The following NBEA variants were observed in gnomAD, a reference collection of about 807,000 sequenced individuals.
NBEA encodes neurobeachin.
A neutral mutation model predicts 343.4 loss-of-function variants in NBEA; 44 were observed. The observed-to-expected ratio is 0.13, with a 90% CI of 0.10 to 0.16. The LOEUF (loss-of-function observed/expected upper bound fraction) is 0.16. NBEA is among the 10% of genes least tolerant of loss of function. The probability of loss-of-function intolerance (pLI) is 1.00; values close to 1 mark genes in which losing one functional copy is unlikely to be tolerated. For synonymous variants in NBEA, 1,175 were observed against 1,238.7 expected (o/e 0.95, Z 1.08); for missense variants, 2,555 against 3,631.3 (o/e 0.70, Z 7.62).
chr13:35,565,203 A>G lies in NBEA; in HGVS notation c.6923-1702A>G, dbSNP rs1186680985. Among the ~76,000 whole-genome samples, 3 of 152,302 alleles carry G rather than the reference A, an allele frequency of 2.0e-5. No homozygotes were observed. The East Asian group carries it at 5.8e-4, about 29-fold the overall frequency. ...ACCTATATTACATACCCACACCTAT[A>G]TTACATACCCACACCAGTTTATACA... On this transcript the variant is annotated intron_variant, in intron 44 of 58. Coordinates refer to ENST00000379939, the MANE Select transcript of NBEA (RefSeq NM_001385012.1).
chr13:35,437,477 G>T (rs1026988097), intron 39 of NBEA, among the ~76,000 whole-genome samples: 2 of 152,016 alleles, frequency 1.3e-5, no homozygotes, highest in Non-Finnish European at 2.9e-5. Context: ...TAATACTAAT[G>T]AGTTGAATAA....
intron 41 of NBEA, among the ~76,000 whole-genome samples, chr13:35,500,029 A>T (rs2152979347): frequency 6.6e-6 from 1 of 152,208 alleles, no homozygotes; most frequent in South Asian, 2.1e-4. Flanking sequence ...AGCTTATTAA[A>T]TTTGGGTCAA....
chr13:35,501,805 T>C (rs1054921110), intron 41 of NBEA, among the ~76,000 whole-genome samples: 2 of 152,116 alleles, frequency 1.3e-5, no homozygotes, highest in African/African-American at 4.8e-5. Flanking sequence ...CCTCGACTCC[T>C]CCTGCAACTG....
In NBEA at chr13:35,445,271, TTTAA is replaced by T. The variant is rs1447142431; in HGVS notation, c.6305-6817_6305-6814del. Among the ~76,000 whole-genome samples, 12 of 152,270 alleles carry T rather than the reference TTTAA, an allele frequency of 7.9e-5. No individual in the cohort carries two copies. In the East Asian group the frequency reaches 2.3e-3, roughly 29 times the overall value. ...AGCATTAACTATGTTCTTTTTCAGTTTTAATTATGTATTCAGTATACTTTTTATC... is the reference window on the plus strand; with the variant it reads ...AGCATTAACTATGTTCTTTTTCAGTTTTATGTATTCAGTATACTTTTTATC... On this transcript the variant is annotated intron_variant, in intron 39 of 58. Coordinates refer to ENST00000379939, the MANE Select transcript of NBEA (RefSeq NM_001385012.1).
At chr13:35,173,721 T>A in intron 27 of NBEA, 127 bp downstream of exon 27, 1 of 750,422 alleles carries the variant, frequency 1.3e-6, no homozygotes, top group African/African-American at 1.8e-5. Flanking sequence ...TAGGCAGCTC[T>A]AGGCTGCTTA....
In NBEA at chr13:35,634,424, G is replaced by A. The variant is rs574333061; in HGVS notation, c.7617+6176G>A. On this transcript the variant is annotated intron_variant, in intron 49 of 58. Transcript: ENST00000379939. Reference sequence around the variant, plus strand: ...CAACACTATTACTGGCATTAAAGTTGTACTGGTTCAGCAAGAGAAAAAAAT... The same window carrying A: ...CAACACTATTACTGGCATTAAAGTTATACTGGTTCAGCAAGAGAAAAAAAT... Among the ~76,000 whole-genome samples the A allele has an allele frequency of 2.6e-5, 4 of 152,292 alleles. No individual in the cohort carries two copies. The East Asian group carries it at 5.8e-4, about 22-fold the overall frequency.
intron 55 of NBEA, among the ~76,000 whole-genome samples, chr13:35,664,754 T>C (rs771621724): frequency 3.3e-5 from 5 of 152,364 alleles, no homozygotes; most frequent in African/African-American, 4.8e-5. Context: ...AAATACATGA[T>C]GTAACACAGA....
At chr13:35,368,407 C>G (rs2152880899) in intron 38 of NBEA, among the ~76,000 whole-genome samples, 2 of 151,522 alleles carry the variant, frequency 1.3e-5, no homozygotes, top group Non-Finnish European at 3.0e-5. Context: ...GTGTATAATA[C>G]AGGACATAAA....
chr13:35,583,512 C>T (rs1475031261), intron 45 of NBEA, among the ~76,000 whole-genome samples: 2 of 152,274 alleles, frequency 1.3e-5, no homozygotes, highest in African/African-American at 4.8e-5. Flanking sequence ...GTCAAATGGT[C>T]AATCTCTTCA....
chr13:35,049,186 G>A (rs1329335550), intron 5 of NBEA, among the ~76,000 whole-genome samples: 3 of 151,830 alleles, frequency 2.0e-5, no homozygotes, highest in Non-Finnish European at 4.4e-5. Context: ...TGATCTGTAA[G>A]GGTTGAAAGC....
intron 48 of NBEA, among the ~76,000 whole-genome samples, chr13:35,623,174 G>A (rs2083069452): frequency 6.6e-6 from 1 of 152,108 alleles, no homozygotes; most frequent in Non-Finnish European, 1.5e-5. Context: ...TAGTAATCAA[G>A]TATTTCTTTA....
intron 38 of NBEA, among the ~76,000 whole-genome samples, chr13:35,375,125 A>G (rs942932305): frequency 6.6e-6 from 1 of 152,172 alleles, no homozygotes; most frequent in Admixed American, 6.5e-5. Context: ...GTATTTAATT[A>G]TAATTAGTCA....
At chr13:35,579,713 G>GT (rs2153035295) in intron 45 of NBEA, among the ~76,000 whole-genome samples, 1 of 152,170 alleles carries the variant, frequency 6.6e-6, no homozygotes, top group Admixed American at 6.5e-5. Flanking sequence ...ATTTACTATA[G>GT]TATTTATCAG....
chr13:35,009,164 A>G (rs1430984285), intron 1 of NBEA, among the ~76,000 whole-genome samples: 3 of 152,224 alleles, frequency 2.0e-5, no homozygotes, highest in Non-Finnish European at 4.4e-5. Context: ...TTATTGAAAC[A>G]TTATTTATTG....
intron 1 of NBEA, among the ~76,000 whole-genome samples, chr13:34,978,357 C>T (rs553399349): frequency 6.6e-6 from 1 of 152,264 alleles, no homozygotes; most frequent in African/African-American, 2.4e-5. Context: ...TTACATTTTA[C>T]TAAAATAACT....
intron 47 of NBEA, among the ~76,000 whole-genome samples, chr13:35,595,480 T>C (rs2153044854): frequency 6.6e-6 from 1 of 151,970 alleles, no homozygotes; most frequent in East Asian, 1.9e-4. Context: ...ATCTTAGATA[T>C]CTTGCCATGT....
chr13:35,004,995 C>T (rs1029174320), intron 1 of NBEA, among the ~76,000 whole-genome samples: 1 of 151,978 alleles, frequency 6.6e-6, no homozygotes. Context: ...TTTTTTATTA[C>T]CTTATTTATT....
chr13:35,586,542 T>C (rs534748592), intron 46 of NBEA, among the ~76,000 whole-genome samples: 1 of 152,336 alleles, frequency 6.6e-6, no homozygotes, highest in Non-Finnish European at 1.5e-5. Context: ...CCAAAGTTAT[T>C]AAATCAGTCT....
chr13:35,446,783 C>T (rs970660100), intron 39 of NBEA, among the ~76,000 whole-genome samples: 55 of 151,806 alleles, frequency 3.6e-4, no homozygotes, highest in Non-Finnish European at 7.7e-4. Flanking sequence ...TGTTGATATA[C>T]ATTAGATAGA....
Sources: gnomAD v4.1 joint callset for allele counts (sites outside exome capture counted in the v4.1 genomes callset) on GRCh38, gnomAD v4.1.1 for gene constraint, MANE v1.5 for transcripts, NCBI Gene and HGNC (gene_info 2026-07-23, HGNC 2026-07-21) for gene names.